The following ZNF827 variants were observed in gnomAD, a reference collection of about 807,000 sequenced individuals.
ZNF827 encodes the protein zinc finger protein 827.
Under a neutral mutation model 102.4 loss-of-function variants are expected in ZNF827, and 13 were observed. The ratio of observed to expected loss-of-function variants is 0.13; its 90% CI spans 0.08 to 0.20. ZNF827 has a LOEUF of 0.20. Ranked by LOEUF, ZNF827 falls within the 10% of genes least tolerant of loss-of-function variation. The probability of loss-of-function intolerance (pLI) is 1.00; values close to 1 mark genes in which losing one functional copy is unlikely to be tolerated. For synonymous variants in ZNF827, 523 were observed against 536.2 expected (o/e 0.98, Z 0.34); for missense variants, 1,103 against 1,344.4 (o/e 0.82, Z 2.81).
chr4:145,905,388 C>T (rs1239547475), intron 1 of ZNF827, among the ~76,000 whole-genome samples: 1 of 152,140 alleles, frequency 6.6e-6, no homozygotes, highest in East Asian at 1.9e-4. Context: ...TTCTCTTTCA[C>T]GAAGCTAAAA....
chr4:145,889,804 T>G (rs1222955730), intron 3 of ZNF827, among the ~76,000 whole-genome samples: 1 of 152,018 alleles, frequency 6.6e-6, no homozygotes, highest in Non-Finnish European at 1.5e-5. Flanking sequence ...TGGTGAAACC[T>G]CGTCTCTACT....
In ZNF827 at chr4:145,846,101, ATC is replaced by A; in HGVS notation, c.2222-90_2222-89del. 4.8e-6 allele frequency: 6 copies of A among 1,238,208 alleles called. No homozygotes were observed. In the Admixed American group the frequency reaches 5.7e-5, roughly 12 times the overall value. 76.7% of individuals were successfully genotyped at this position (1,238,208 alleles called of 1,614,324 possible). The stretch of plus-strand genomic sequence containing the variant: ...AGCCTTAAGCAGAAAAACCCTCAAC[ATC>A]TCTCTTTTTCCTTTGTGGTTTTCTT... On this transcript the variant is annotated intron_variant, in intron 6 of 14. Coordinates refer to ENST00000508784, the MANE Select transcript of ZNF827 (RefSeq NM_001306215.2).
At position 145,760,724 on chromosome 4, in the gene ZNF827, T is replaced by G; in HGVS notation, c.*892A>C. On this transcript the variant is annotated 3_prime_UTR_variant, in exon 15 of 15. Transcript: ENST00000508784. ...GGGTTGTGTTTAAGTTTTGTGGTTT[T>G]TTTTTTTTTTTTTGTCTTTTGTCTC... is the stretch of plus-strand genomic sequence containing the variant. The G allele has an allele frequency of 1.0e-6, 1 of 954,004 alleles. No homozygotes were observed. Among genetic ancestry groups the G allele is most frequent in the Non-Finnish European group, 1.3e-6 (1 of 780,788 alleles). The allele number at this position is 954,004 out of a possible 1,614,324, so 59.1% of individuals were successfully genotyped here.
At chr4:145,859,056 G>A (rs948280960) in intron 5 of ZNF827, among the ~76,000 whole-genome samples, 5 of 152,144 alleles carry the variant, frequency 3.3e-5, no homozygotes, top group South Asian at 2.1e-4. Flanking sequence ...CTGAAAAGCC[G>A]TGACTACTTC....
intron 4 of ZNF827, among the ~76,000 whole-genome samples, chr4:145,872,518 T>C (rs1329474034): frequency 1.3e-5 from 2 of 152,236 alleles, no homozygotes; most frequent in Non-Finnish European, 2.9e-5. Context: ...TCTGTGGCAT[T>C]TTGTTACGCG....
chr4:145,899,767 G>C (rs574910570), intron 2 of ZNF827, among the ~76,000 whole-genome samples: 100 of 152,288 alleles, frequency 6.6e-4, no homozygotes, highest in African/African-American at 2.3e-3. Context: ...ACTGAACAGA[G>C]GCATGTTGAA....
intron 2 of ZNF827, among the ~76,000 whole-genome samples, chr4:145,896,176 A>G (rs1031373809): frequency 1.3e-5 from 2 of 152,248 alleles, no homozygotes; most frequent in South Asian, 2.1e-4. Flanking sequence ...AGTAGTGACA[A>G]TAAACAAACT....
At chr4:145,808,435 T>A (rs1031974927) in intron 8 of ZNF827, among the ~76,000 whole-genome samples, 1 of 152,128 alleles carries the variant, frequency 6.6e-6, no homozygotes, top group Non-Finnish European at 1.5e-5. Context: ...CCTAATTCCA[T>A]TGAAGTTAAA....
Position 145,858,134 on chromosome 4 carries a change from AGTGTGTGTGTGTGTGTGTGTGT to A in ZNF827, c.1982-8595_1982-8574del, listed in dbSNP as rs10553157. On this transcript the variant is annotated intron_variant, in intron 5 of 14. Transcript: ENST00000508784. ...GAGTGCTGATGTGTGTGCATGTGTG[AGTGTGTGTGTGTGTGTGTGTGT>A]GTGTGTGTGTGTGTGTGCACATGTG... 1.6e-3 allele frequency among the ~76,000 whole-genome samples: 236 copies of A among 147,102 alleles called. 1 individual carries two copies. The highest frequency in any genetic ancestry group is 5.6e-3 in the African/African-American group (225 of 40,286).
At chr4:145,805,631 G>A (rs1379108445) in intron 8 of ZNF827, among the ~76,000 whole-genome samples, 1 of 152,212 alleles carries the variant, frequency 6.6e-6, no homozygotes, top group African/African-American at 2.4e-5. Flanking sequence ...ACAGGAAAGA[G>A]TTAAATGGAA....
At chr4:145,802,349 T>TC (rs1408866329) in intron 8 of ZNF827, among the ~76,000 whole-genome samples, 1 of 152,218 alleles carries the variant, frequency 6.6e-6, no homozygotes, top group African/African-American at 2.4e-5. Context: ...GATTCCTTTG[T>TC]TTTATTTGTT....
At chr4:145,813,516 T>C (rs1001198) in intron 8 of ZNF827, among the ~76,000 whole-genome samples, 22,058 of 152,062 alleles carry the variant, frequency 0.15, 2,374 homozygotes, top group East Asian at 0.63. Context: ...CGGGAATGTA[T>C]CCCCTGAGGA....
chr4:145,827,053 T>C (rs1011465179), intron 7 of ZNF827, among the ~76,000 whole-genome samples: 6 of 152,226 alleles, frequency 3.9e-5, no homozygotes, highest in Non-Finnish European at 7.3e-5. Flanking sequence ...TGCCAACCAC[T>C]GTGGGTCTTG....
intron 5 of ZNF827, among the ~76,000 whole-genome samples, chr4:145,860,185 C>G (rs1456934358): frequency 1.3e-5 from 2 of 152,228 alleles, no homozygotes; most frequent in Non-Finnish European, 2.9e-5. Flanking sequence ...AGATCCCACT[C>G]ATATAATCAG....
rs184712253 is a variant in ZNF827 at position 145,865,456 on chromosome 4, T to C, written c.1981+4789A>G. Among the ~76,000 whole-genome samples the C allele has an allele frequency of 4.7e-4, 72 of 152,280 alleles. No homozygotes were observed. In the Middle Eastern group the frequency reaches 0.01, roughly 22 times the overall value. On this transcript the variant is annotated intron_variant, in intron 5 of 14. Coordinates refer to ENST00000508784, the MANE Select transcript of ZNF827 (RefSeq NM_001306215.2). Reference sequence around the variant, plus strand: ...CTCAAACCTTAGCTGTCAGAATCGCTAGGAGGGCTTGTGAAAACACAGACA... The same window carrying C: ...CTCAAACCTTAGCTGTCAGAATCGCCAGGAGGGCTTGTGAAAACACAGACA...
At chr4:145,938,094 A>G (rs1380325231) in intron 1 of ZNF827, among the ~76,000 whole-genome samples, 18 of 148,532 alleles carry the variant, frequency 1.2e-4, no homozygotes, top group Non-Finnish European at 2.1e-4. Context: ...AGGGAAAGGG[A>G]AAAAAAAGCC....
At chr4:145,931,868 T>C (rs372754288) in intron 1 of ZNF827, among the ~76,000 whole-genome samples, 2 of 152,214 alleles carry the variant, frequency 1.3e-5, no homozygotes, top group South Asian at 4.1e-4. Flanking sequence ...TCCACCATCA[T>C]TTCCCTCTCT....
chr4:145,852,277 A>T (rs1746610186), intron 5 of ZNF827, among the ~76,000 whole-genome samples: 1 of 152,194 alleles, frequency 6.6e-6, no homozygotes. Context: ...TGGAATAAAA[A>T]ATCACCTGGC....
chr4:145,881,024 A>C (rs1045629589), intron 4 of ZNF827, among the ~76,000 whole-genome samples: 6 of 152,256 alleles, frequency 3.9e-5, no homozygotes, highest in African/African-American at 1.4e-4. Flanking sequence ...CCAGCAGCAC[A>C]AACAAAGGTA....
Sources: gnomAD v4.1 joint callset for allele counts (sites outside exome capture counted in the v4.1 genomes callset) on GRCh38, gnomAD v4.1.1 for gene constraint, MANE v1.5 for transcripts, NCBI Gene and HGNC (gene_info 2026-07-23, HGNC 2026-07-21) for gene names.